Variants in SYNDIG1 observed in about 807,000 individuals in gnomAD.
SYNDIG1 encodes synapse differentiation-inducing gene protein 1.
Under a neutral mutation model 19.4 loss-of-function variants are expected in SYNDIG1, and 9 were observed. The ratio of observed to expected loss-of-function variants is 0.46; its 90% CI spans 0.28 to 0.81. The LOEUF (loss-of-function observed/expected upper bound fraction) is 0.81. Among genes scored for constraint, SYNDIG1 ranks in the 30% least tolerant of loss-of-function variants. The pLI is 0.12. For synonymous variants in SYNDIG1, 141 were observed against 145.9 expected, an observed-to-expected ratio of 0.97 and a Z score of 0.24; for missense variants, 311 against 343.3, an observed-to-expected ratio of 0.91 and a Z score of 0.74.
At chr20:24,644,979 G>A (rs1366744291) in intron 3 of SYNDIG1, among the ~76,000 whole-genome samples, 2 of 152,218 alleles carry the variant, frequency 1.3e-5, no homozygotes, top group Non-Finnish European at 2.9e-5. Context: ...GAAGCACAGA[G>A]AAGGAAACTT....
At chr20:24,575,384 T>C (rs2058211580) in intron 2 of SYNDIG1, among the ~76,000 whole-genome samples, 1 of 152,234 alleles carries the variant, frequency 6.6e-6, no homozygotes, top group Admixed American at 6.5e-5. Flanking sequence ...CGTTCATTTA[T>C]TCCCAGAGAG....
intron 3 of SYNDIG1, among the ~76,000 whole-genome samples, chr20:24,628,115 C>T (rs1431200561): frequency 6.6e-6 from 1 of 152,188 alleles, no homozygotes; most frequent in Non-Finnish European, 1.5e-5. Flanking sequence ...ACGGCTCGCT[C>T]TCCGGGGCAT....
intron 1 of SYNDIG1, among the ~76,000 whole-genome samples, chr20:24,512,472 A>G (rs1329994723): frequency 1.3e-5 from 2 of 151,818 alleles, no homozygotes; most frequent in Non-Finnish European, 2.9e-5. Context: ...GTCTTAGCAA[A>G]CGGCACACCA....
chr20:24,550,056 A>G (rs1339843185), intron 2 of SYNDIG1, among the ~76,000 whole-genome samples: 1 of 152,178 alleles, frequency 6.6e-6, no homozygotes, highest in African/African-American at 2.4e-5. Flanking sequence ...CATGCGGGCC[A>G]AAATACAACT....
At chr20:24,654,651 A>AGGAAGGAG (rs1185948218) in intron 3 of SYNDIG1, among the ~76,000 whole-genome samples, 93 of 16,190 alleles carry the variant, frequency 5.7e-3, no homozygotes, top group African/African-American at 0.022. Context: ...GGAGGGAGGG[A>AGGAAGGAG]GGAAGGAAGG....
intron 1 of SYNDIG1, among the ~76,000 whole-genome samples, chr20:24,518,141 ATAG>A (rs2056926718): frequency 6.6e-6 from 1 of 152,110 alleles, no homozygotes; most frequent in South Asian, 2.1e-4. Flanking sequence ...AAACACACTT[ATAG>A]TCAAATGAAA....
At chr20:24,637,936 A>G (rs574736399) in intron 3 of SYNDIG1, among the ~76,000 whole-genome samples, 1 of 152,342 alleles carries the variant, frequency 6.6e-6, no homozygotes, top group South Asian at 2.1e-4. Flanking sequence ...AGCATCTTAG[A>G]AACTGCTGCG....
intron 2 of SYNDIG1, among the ~76,000 whole-genome samples, chr20:24,551,080 G>T (rs2057698204): frequency 6.6e-6 from 1 of 152,066 alleles, no homozygotes; most frequent in South Asian, 2.1e-4. Flanking sequence ...GTTTAGTATT[G>T]GTATGATTTC....
chr20:24,644,596 C>T lies in SYNDIG1; in HGVS notation c.619-20750C>T, dbSNP rs547091824. On this transcript the variant is annotated intron_variant, in intron 3 of 3. Transcript: ENST00000376862. Reference sequence around the variant, plus strand: ...AGCTGCAATGTAAGAAATCTTCCTCCCTGAGACCTCCATGCTGTGGGGAAG... The same window carrying T: ...AGCTGCAATGTAAGAAATCTTCCTCTCTGAGACCTCCATGCTGTGGGGAAG... Among the ~76,000 whole-genome samples the T allele has an allele frequency of 5.9e-5, 9 of 152,316 alleles. No individual in the cohort carries two copies. The South Asian group carries it at 1.0e-3, about 18-fold the overall frequency.
rs550356505 is a variant in SYNDIG1 at position 24,649,343 on chromosome 20, C to T, written c.619-16003C>T. Among the ~76,000 whole-genome samples the T allele has an allele frequency of 2.6e-4, 40 of 152,312 alleles. No homozygotes were observed. In the South Asian group the frequency reaches 6.0e-3, roughly 23 times the overall value. On this transcript the variant is annotated intron_variant, in intron 3 of 3. Transcript: ENST00000376862. ...ATTGAGATCTAAGATTTTCTTTCCCCTGCTGGAAATCTATGAGCTCTAGTT... is the reference window on the plus strand; with the variant it reads ...ATTGAGATCTAAGATTTTCTTTCCCTTGCTGGAAATCTATGAGCTCTAGTT...
At chr20:24,578,268 C>A (rs1262038180) in intron 2 of SYNDIG1, among the ~76,000 whole-genome samples, 2 of 152,002 alleles carry the variant, frequency 1.3e-5, no homozygotes, top group African/African-American at 4.8e-5. Flanking sequence ...CATGGTGAAA[C>A]CCCATCTCTA....
At position 24,543,760 on chromosome 20, in the gene SYNDIG1, G is replaced by T. The variant is rs552695177; in HGVS notation, c.480+183G>T. On this transcript the variant is annotated intron_variant, in intron 2 of 3. Coordinates refer to ENST00000376862, the MANE Select transcript of SYNDIG1 (RefSeq NM_024893.3). The stretch of plus-strand genomic sequence containing the variant: ...TTATGGAAGATAGAAGGAGAGGAAA[G>T]ACTTAGATTAACAGAAACCCAGGGG... Among the ~76,000 whole-genome samples the T allele has an allele frequency of 3.3e-5, 5 of 152,312 alleles. No individual in the cohort carries two copies. In the East Asian group the frequency reaches 9.7e-4, roughly 29 times the overall value.
chr20:24,604,354 G>C (rs1394629597), intron 3 of SYNDIG1, among the ~76,000 whole-genome samples: 1 of 152,072 alleles, frequency 6.6e-6, no homozygotes, highest in East Asian at 1.9e-4. Context: ...CAGGAGGTTG[G>C]CACCAGATAC....
rs749146366 is a variant in SYNDIG1 at position 24,497,195 on chromosome 20, T to TTTTG, written c.-79+27462_-79+27465dup. 3.9e-5 allele frequency among the ~76,000 whole-genome samples: 6 copies of TTTTG among 152,238 alleles called. No homozygotes were observed. The East Asian group carries it at 7.7e-4, about 20-fold the overall frequency. On this transcript the variant is annotated intron_variant, in intron 1 of 3. Coordinates refer to ENST00000376862, the MANE Select transcript of SYNDIG1 (RefSeq NM_024893.3). ...TCTTTTGTTTGTTTGTTTATGTGTT[T>TTTTG]TTTGTTTGTTTGTTTGTTTGTTTTT...
intron 3 of SYNDIG1, among the ~76,000 whole-genome samples, chr20:24,605,235 A>G (rs942020184): frequency 2.0e-5 from 3 of 152,194 alleles, no homozygotes; most frequent in African/African-American, 7.2e-5. Context: ...GGTGAGTGAC[A>G]TGTAAACGAA....
intron 1 of SYNDIG1, among the ~76,000 whole-genome samples, chr20:24,515,893 C>T (rs1490484311): frequency 2.0e-5 from 3 of 152,046 alleles, no homozygotes; most frequent in African/African-American, 7.3e-5. Flanking sequence ...CAATCCTAAG[C>T]CAAAAGAACA....
intron 3 of SYNDIG1, among the ~76,000 whole-genome samples, chr20:24,593,478 G>A (rs2058546091): frequency 6.9e-6 from 1 of 144,752 alleles, no homozygotes; most frequent in Admixed American, 7.0e-5. Flanking sequence ...ATGCTATTGG[G>A]AATAGTGCTA....
chr20:24,529,358 G>A (rs74654065), intron 1 of SYNDIG1, among the ~76,000 whole-genome samples: 4,107 of 152,216 alleles, frequency 0.027, 184 homozygotes, highest in African/African-American at 0.093. Context: ...TAGTGATGGT[G>A]GTGGTGGTGG....
At chr20:24,663,865 G>A (rs760202096) in intron 3 of SYNDIG1, among the ~76,000 whole-genome samples, 4 of 152,180 alleles carry the variant, frequency 2.6e-5, no homozygotes, top group African/African-American at 4.8e-5. Flanking sequence ...CTTTCAGTTA[G>A]CGCTAAGGAA....
Sources: gnomAD v4.1 joint callset for allele counts (sites outside exome capture counted in the v4.1 genomes callset) on GRCh38, gnomAD v4.1.1 for gene constraint, MANE v1.5 for transcripts, NCBI Gene and HGNC (gene_info 2026-07-23, HGNC 2026-07-21) for gene names.